Variants in HDAC4 observed in about 807,000 individuals in gnomAD.
HDAC4 encodes the protein histone deacetylase A.
HDAC4 carries 16 observed loss-of-function variants against 135.1 expected under a neutral mutation model. The observed-to-expected ratio is 0.12, with a 90% CI of 0.08 to 0.18. The LOEUF (loss-of-function observed/expected upper bound fraction) is 0.18. Among genes scored for constraint, HDAC4 ranks in the 10% least tolerant of loss-of-function variants. The pLI is 1.00. For missense variants in HDAC4, 1,143 were observed against 1,511.8 expected, an observed-to-expected ratio of 0.76 and a Z score of 4.05; for synonymous variants, 685 against 653.4, an observed-to-expected ratio of 1.05 and a Z score of -0.74.
intron 19 of HDAC4, among the ~76,000 whole-genome samples, chr2:239,086,399 A>C (rs899872841): frequency 2.7e-5 from 4 of 146,682 alleles, no homozygotes; most frequent in South Asian, 4.3e-4. Flanking sequence ...GGATCTGACT[A>C]TCTCTCACGT....
In HDAC4 at chr2:239,262,661, T is replaced by C. The variant is rs901582552; in HGVS notation, c.23-25997A>G. On this transcript the variant is annotated intron_variant, in intron 2 of 26. Coordinates refer to ENST00000543185, the MANE Select transcript of HDAC4 (RefSeq NM_001378414.1). This position sits in a 1 kb window ranked among gnomAD's most constrained non-coding sequence, Gnocchi z 4.1. ...GTGGGACCAACGAGACCTGGGCTAG[T>C]GCAGGGGTGGGCAGGCACCACAAGC... 2.6e-5 allele frequency among the ~76,000 whole-genome samples: 4 copies of C among 151,992 alleles called. No individual in the cohort carries two copies. The highest frequency in any genetic ancestry group is 9.7e-5 in the African/African-American group (4 of 41,356).
At position 239,367,045 on chromosome 2, in the gene HDAC4, A is replaced by G. The variant is rs1055630877; in HGVS notation, c.-219-14127T>C. On this transcript the variant is annotated intron_variant, in intron 1 of 26. Transcript: ENST00000543185. Reference sequence around the variant, plus strand: ...GCGGATGGAAAACAACCCTTTGACAAAAGACCCTATCGGCCAAATAAGTGA... The same window carrying G: ...GCGGATGGAAAACAACCCTTTGACAGAAGACCCTATCGGCCAAATAAGTGA... 7.3e-5 allele frequency among the ~76,000 whole-genome samples: 10 copies of G among 136,802 alleles called. 2 individuals carry two copies. Among genetic ancestry groups the G allele is most frequent in the African/African-American group, 3.7e-4 (10 of 26,942 alleles). The allele number at this position is 136,802 out of a possible 152,430, so 89.7% of individuals were successfully genotyped here.
chr2:239,259,926 G>C (rs2049256266), intron 2 of HDAC4, among the ~76,000 whole-genome samples: 2 of 152,192 alleles, frequency 1.3e-5, no homozygotes, highest in Non-Finnish European at 2.9e-5. Flanking sequence ...GTCACACAGA[G>C]GGCATCTGAC....
intron 2 of HDAC4, among the ~76,000 whole-genome samples, chr2:239,304,525 G>A (rs968674360): frequency 4.6e-5 from 7 of 152,194 alleles, no homozygotes; most frequent in African/African-American, 1.7e-4. Context: ...AGCTCCACGT[G>A]CAAAGTGAGT....
At chr2:239,121,873 G>C (rs73097667) in intron 12 of HDAC4, among the ~76,000 whole-genome samples, 19,201 of 152,208 alleles carry the variant, frequency 0.13, 3,856 homozygotes, top group African/African-American at 0.42. Context: ...ATTCAGTTCT[G>C]AGTCTCACTG....
At position 239,275,913 on chromosome 2, in the gene HDAC4, C is replaced by A. The variant is rs1559315258; in HGVS notation, c.23-39249G>T. 7.2e-5 allele frequency among the ~76,000 whole-genome samples: 11 copies of A among 152,282 alleles called. No homozygotes were observed. The South Asian group carries it at 2.1e-3, about 29-fold the overall frequency. On this transcript the variant is annotated intron_variant, in intron 2 of 26. Coordinates refer to ENST00000543185, the MANE Select transcript of HDAC4 (RefSeq NM_001378414.1). The stretch of plus-strand genomic sequence containing the variant: ...GATGAAGCTCCTCTGTCGCCTGCCT[C>A]ATTTGGGAAAGCTTCCCAGAGGAGG...
chr2:239,392,451 G>C (rs1696292530), intron 1 of HDAC4, among the ~76,000 whole-genome samples: 1 of 152,196 alleles, frequency 6.6e-6, no homozygotes, highest in East Asian at 1.9e-4. Context: ...ATAGTAGAGG[G>C]GGTTTTAATA....
At chr2:239,176,239 C>A (rs2043756804) in intron 5 of HDAC4, among the ~76,000 whole-genome samples, 174 bp downstream of exon 5, 1 of 144,076 alleles carries the variant, frequency 6.9e-6, no homozygotes, top group African/African-American at 2.6e-5. Flanking sequence ...CTCTGCCCAG[C>A]CTTCCGTGCC....
At chr2:239,183,326 G>C (rs972493329) in intron 4 of HDAC4, among the ~76,000 whole-genome samples, 1 of 152,248 alleles carries the variant, frequency 6.6e-6, no homozygotes, top group African/African-American at 2.4e-5. Flanking sequence ...CGAAACTCTT[G>C]ACTTTCTTGT....
intron 8 of HDAC4, 135 bp downstream of exon 8, chr2:239,144,448 G>C (rs1298318512): frequency 2.5e-6 from 3 of 1,193,468 alleles, no homozygotes; most frequent in South Asian, 2.4e-5. Context: ...AGCGCCATGG[G>C]AACAGGACCA....
intron 1 of HDAC4, among the ~76,000 whole-genome samples, chr2:239,369,965 C>T (rs1316031025): frequency 6.6e-6 from 1 of 152,242 alleles, no homozygotes; most frequent in South Asian, 2.1e-4. Context: ...ATAGGACCGC[C>T]ACATCCTGTC....
At chr2:239,080,755 T>C (rs2035234405) in intron 22 of HDAC4, among the ~76,000 whole-genome samples, 1 of 152,254 alleles carries the variant, frequency 6.6e-6, no homozygotes, top group East Asian at 1.9e-4. Flanking sequence ...TAGGAGATCA[T>C]GAGACCCTGC....
At chr2:239,078,838 A>C (rs2035023488) in intron 22 of HDAC4, among the ~76,000 whole-genome samples, 1 of 152,158 alleles carries the variant, frequency 6.6e-6, no homozygotes, top group African/African-American at 2.4e-5. Flanking sequence ...AGAAACGCCT[A>C]TGGGGTGAGG....
chr2:239,396,911 C>T (rs978503211), intron 1 of HDAC4, among the ~76,000 whole-genome samples: 5 of 152,362 alleles, frequency 3.3e-5, no homozygotes, highest in South Asian at 2.1e-4. Context: ...TAGCTCCCTT[C>T]CGTCACCCCC....
chr2:239,106,168 AGAGGAGCCGAGGGCGGGCG>A (rs1283358903), intron 15 of HDAC4, among the ~76,000 whole-genome samples: 3 of 152,180 alleles, frequency 2.0e-5, no homozygotes, highest in South Asian at 2.1e-4. Flanking sequence ...GAGGACAGGC[AGAGGAGCCGAGGGCGGGCG>A]GAGGAGCTGA....
intron 2 of HDAC4, among the ~76,000 whole-genome samples, chr2:239,247,443 G>A (rs773360355): frequency 6.6e-6 from 1 of 152,156 alleles, no homozygotes; most frequent in Non-Finnish European, 1.5e-5. Flanking sequence ...GATAAAGAAC[G>A]AGGCACACAG....
intron 2 of HDAC4, among the ~76,000 whole-genome samples, chr2:239,336,994 G>A (rs1030685556): frequency 6.6e-6 from 1 of 152,188 alleles, no homozygotes; most frequent in African/African-American, 2.4e-5. Context: ...GAGTGGGCCT[G>A]GCAAGAGTAG....
chr2:239,158,603 A>C (rs3791509), intron 6 of HDAC4, among the ~76,000 whole-genome samples: 2 of 152,070 alleles, frequency 1.3e-5, no homozygotes, highest in Admixed American at 6.5e-5. Context: ...CTGCCCCCCA[A>C]CTGCCAGCGC....
chr2:239,347,704 G>A (rs933867325), intron 2 of HDAC4, among the ~76,000 whole-genome samples: 3 of 152,218 alleles, frequency 2.0e-5, no homozygotes, highest in African/African-American at 2.4e-5. Context: ...TAGTAGAGAC[G>A]GGGTTTGACC....
Sources: gnomAD v4.1 joint callset for allele counts (sites outside exome capture counted in the v4.1 genomes callset) on GRCh38, gnomAD v4.1.1 for gene constraint, Gnocchi (gnomAD v3.1) non-coding constraint, MANE v1.5 for transcripts, NCBI Gene and HGNC (gene_info 2026-07-23, HGNC 2026-07-21) for gene names.